The following BNC2 variants were observed in gnomAD, a reference collection of about 807,000 sequenced individuals.
The protein encoded by BNC2 is basonuclin zinc finger protein 2, also known as zinc finger protein basonuclin-2.
Under a neutral mutation model 76.3 loss-of-function variants are expected in BNC2, and 20 were observed. That is an observed-to-expected ratio of 0.26 (90% confidence interval 0.18 to 0.38). BNC2 has a LOEUF of 0.38. Ranked by LOEUF, BNC2 falls within the 10% of genes least tolerant of loss-of-function variation. The pLI, the probability that BNC2 is intolerant of heterozygous loss-of-function variation, is 1.00. For synonymous variants in BNC2, 582 were observed against 514.8 expected (o/e 1.13, Z -1.77); for missense variants, 1,382 against 1,399.8 (o/e 0.99, Z 0.20).
intron 3 of BNC2, among the ~76,000 whole-genome samples, chr9:16,640,274 G>C (rs1587264372): frequency 6.6e-6 from 1 of 152,204 alleles, no homozygotes; most frequent in East Asian, 1.9e-4. Context: ...TTCAGAGAGG[G>C]TCTCAATCTC....
intron 5 of BNC2, among the ~76,000 whole-genome samples, chr9:16,471,321 T>C (rs900821750): frequency 1.1e-4 from 16 of 148,550 alleles, no homozygotes; most frequent in African/African-American, 4.0e-4. Context: ...TAAGATAGAG[T>C]CTCACTCTGT....
intron 3 of BNC2, among the ~76,000 whole-genome samples, chr9:16,671,766 C>T (rs180829546): frequency 4.3e-4 from 66 of 152,314 alleles, no homozygotes; most frequent in Admixed American, 3.6e-3. Flanking sequence ...GCCTGAACTC[C>T]AGTCAGCAGA....
chr9:16,640,040 T>C (rs946490044), intron 3 of BNC2, among the ~76,000 whole-genome samples: 4 of 152,090 alleles, frequency 2.6e-5, no homozygotes, highest in Admixed American at 6.6e-5. Flanking sequence ...ATTTCTATTA[T>C]AGCTCTTCTA....
intron 1 of BNC2, among the ~76,000 whole-genome samples, chr9:16,833,912 T>C (rs781611667): frequency 2.6e-5 from 4 of 152,156 alleles, no homozygotes; most frequent in Non-Finnish European, 5.9e-5. Flanking sequence ...CCAATTACAA[T>C]GGCCTGTCCA....
At chr9:16,586,247 C>G (rs1488807784) in intron 3 of BNC2, among the ~76,000 whole-genome samples, 1 of 152,062 alleles carries the variant, frequency 6.6e-6, no homozygotes, top group African/African-American at 2.4e-5. Context: ...TATCCCAACT[C>G]CCCAAGAACA....
chr9:16,651,625 C>T (rs932680902), intron 3 of BNC2, among the ~76,000 whole-genome samples: 2 of 152,020 alleles, frequency 1.3e-5, no homozygotes, highest in East Asian at 3.9e-4. Context: ...ATACAGCTTG[C>T]GATGCTATAA....
intron 3 of BNC2, among the ~76,000 whole-genome samples, chr9:16,594,647 T>A (rs1399419428): frequency 6.6e-6 from 1 of 152,154 alleles, no homozygotes; most frequent in Non-Finnish European, 1.5e-5. Context: ...ACTAATAATA[T>A]CCCATGTTTG....
intron 5 of BNC2, among the ~76,000 whole-genome samples, chr9:16,481,649 C>T (rs1044126417): frequency 6.6e-6 from 1 of 152,196 alleles, no homozygotes; most frequent in African/African-American, 2.4e-5. Context: ...AACTTAGGAA[C>T]TGGTTATTTT....
intron 5 of BNC2, among the ~76,000 whole-genome samples, chr9:16,446,495 C>T (rs1226994981): frequency 6.6e-6 from 1 of 151,866 alleles, no homozygotes. Context: ...AAAAATTTCA[C>T]AATGGAAAGG....
At chr9:16,438,576 T>G (rs943964341) in intron 5 of BNC2, among the ~76,000 whole-genome samples, 15 of 152,282 alleles carry the variant, frequency 9.9e-5, no homozygotes, top group African/African-American at 3.6e-4. Flanking sequence ...TTCAAACACT[T>G]AAATAATGAC....
At chr9:16,554,040 G>C (rs529771085) in intron 4 of BNC2, among the ~76,000 whole-genome samples, 8 of 152,218 alleles carry the variant, frequency 5.3e-5, no homozygotes, top group African/African-American at 1.9e-4. Flanking sequence ...CAGGCAAATG[G>C]GTATCAGCCA....
rs746733831 is a variant in BNC2, at chr9:16,583,008, C to T, written c.408G>A (p.Gln136=). The T allele has an allele frequency of 6.8e-6, 11 of 1,613,760 alleles. No homozygotes were observed. In the African/African-American group the frequency reaches 1.2e-4, roughly 18 times the overall value. The change falls in exon 4 of 7, where the codon CAG becomes CAA. Residue 136 remains glutamine (Q), a synonymous_variant. Transcript: ENST00000380672. ...PGKINLRTCD[Q]CKHGWVAHAL... is the part of the protein sequence containing the mutation. ...CATGTGCCACCCAGCCATGTTTACA[C>T]TGATCACAAGTCCTCAGGTTAATCT... is the stretch of plus-strand genomic sequence containing the variant.
chr9:16,471,077 G>A (rs537914911), intron 5 of BNC2, among the ~76,000 whole-genome samples: 124 of 152,288 alleles, frequency 8.1e-4, no homozygotes, highest in Non-Finnish European at 1.4e-3. Context: ...CCAAGACCAT[G>A]GGAACCCACC....
chr9:16,750,569 G>A (rs1212568768), intron 1 of BNC2, among the ~76,000 whole-genome samples: 1 of 152,188 alleles, frequency 6.6e-6, no homozygotes, highest in African/African-American at 2.4e-5. Context: ...CATACCCAAT[G>A]AGCAAATGCA....
At chr9:16,813,421 A>G (rs1330349245) in intron 1 of BNC2, among the ~76,000 whole-genome samples, 5 of 151,696 alleles carry the variant, frequency 3.3e-5, no homozygotes, top group African/African-American at 9.7e-5. Context: ...GCCCGCCACT[A>G]CGCCCGGCTA....
At chr9:16,726,834 G>A (rs1824340386) in intron 3 of BNC2, 1 of 152,248 alleles carries the variant, frequency 6.6e-6, no homozygotes, top group African/African-American at 2.4e-5. Context: ...CACAATCCAA[G>A]ATGAAAGTTT....
intron 3 of BNC2, among the ~76,000 whole-genome samples, chr9:16,687,238 G>A (rs549700988): frequency 1.3e-5 from 2 of 152,226 alleles, no homozygotes; most frequent in East Asian, 3.9e-4. Context: ...TACATTTAGT[G>A]GCATCCATTC....
chr9:16,685,743 A>T (rs930571650), intron 3 of BNC2: 5 of 537,382 alleles, frequency 9.3e-6, no homozygotes, highest in Non-Finnish European at 1.6e-5. Context: ...CTAACAGGTC[A>T]TCATGGCTTG....
intron 3 of BNC2, among the ~76,000 whole-genome samples, chr9:16,720,356 T>C (rs1226675689): frequency 6.6e-6 from 1 of 152,122 alleles, no homozygotes; most frequent in Non-Finnish European, 1.5e-5. Flanking sequence ...GAGAATAAAG[T>C]GAGAAAGAAA....
Sources: gnomAD v4.1 joint callset for allele counts (sites outside exome capture counted in the v4.1 genomes callset) on GRCh38, gnomAD v4.1.1 for gene constraint, MANE v1.5 for transcripts, NCBI Gene and HGNC (gene_info 2026-07-23, HGNC 2026-07-21) for gene names.